The following KIAA1328 variants were observed in gnomAD, a reference collection of about 807,000 sequenced individuals.
KIAA1328 encodes the protein protein hinderin.
KIAA1328 carries 52 observed loss-of-function variants against 68.1 expected under a neutral mutation model. That is an observed-to-expected ratio of 0.76 (90% confidence interval 0.61 to 0.96). KIAA1328 has a LOEUF of 0.96. KIAA1328 is among the 40% of genes least tolerant of loss of function. The pLI is 0.00. For synonymous variants in KIAA1328, 232 were observed against 239.4 expected (o/e 0.97, Z 0.28); for missense variants, 641 against 677.6 (o/e 0.95, Z 0.60).
intron 5 of KIAA1328, among the ~76,000 whole-genome samples, chr18:36,916,807 T>C (rs2049720156): frequency 1.3e-5 from 2 of 152,058 alleles, no homozygotes; most frequent in South Asian, 4.2e-4. Flanking sequence ...AGAGACAGAG[T>C]CTCGCTATGT....
intron 6 of KIAA1328, among the ~76,000 whole-genome samples, chr18:37,029,478 A>T (rs1474539906): frequency 6.6e-6 from 1 of 152,074 alleles, no homozygotes; most frequent in Admixed American, 6.6e-5. Flanking sequence ...GGCTCGAGTT[A>T]TCCTCCCACC....
chr18:36,930,134 C>G (rs957737380), intron 5 of KIAA1328, among the ~76,000 whole-genome samples: 2 of 152,106 alleles, frequency 1.3e-5, no homozygotes, highest in Non-Finnish European at 2.9e-5. Flanking sequence ...TTGTTGCTCC[C>G]AGAAATGTCT....
At chr18:37,065,310 A>G (rs1438783063) in intron 6 of KIAA1328, among the ~76,000 whole-genome samples, 1 of 152,224 alleles carries the variant, frequency 6.6e-6, no homozygotes, top group Non-Finnish European at 1.5e-5. Flanking sequence ...AAGCTGTCAG[A>G]TATTTCACTT....
intron 6 of KIAA1328, among the ~76,000 whole-genome samples, chr18:37,054,237 T>A (rs1291695192): frequency 6.6e-6 from 1 of 152,178 alleles, no homozygotes; most frequent in African/African-American, 2.4e-5. Flanking sequence ...TCATCCCCTA[T>A]GGAAAACAGT....
At chr18:36,832,356 G>T (rs2046520544) in intron 1 of KIAA1328, among the ~76,000 whole-genome samples, 1 of 152,134 alleles carries the variant, frequency 6.6e-6, no homozygotes, top group Non-Finnish European at 1.5e-5. Context: ...GGAGGCCAAA[G>T]CAGGTGGATC....
At chr18:37,191,291 A>G (rs2059900504) in intron 9 of KIAA1328, among the ~76,000 whole-genome samples, 1 of 152,208 alleles carries the variant, frequency 6.6e-6, no homozygotes, top group Admixed American at 6.5e-5. Flanking sequence ...ACTTCATTAC[A>G]TACGTTACAT....
At chr18:36,960,592 TG>T (rs959340339) in intron 6 of KIAA1328, among the ~76,000 whole-genome samples, 13 of 152,154 alleles carry the variant, frequency 8.5e-5, no homozygotes, top group Admixed American at 5.2e-4. Context: ...GGTGCCCCTC[TG>T]GGACGAAGCT....
chr18:36,994,006 A>G (rs372058277), intron 6 of KIAA1328, among the ~76,000 whole-genome samples: 3 of 151,932 alleles, frequency 2.0e-5, no homozygotes, highest in African/African-American at 2.4e-5. Flanking sequence ...CTACAATTCT[A>G]TGATGAAAGA....
At chr18:37,226,837 A>G (rs2060642480), downstream of KIAA1328, among the ~76,000 whole-genome samples, 7 of 148,778 alleles carry the variant, frequency 4.7e-5, no homozygotes, top group South Asian at 2.1e-4. Flanking sequence ...GCGCAATCTC[A>G]GCTCACTGCA....
chr18:37,149,156 G>A (rs529784889), intron 7 of KIAA1328, among the ~76,000 whole-genome samples: 16 of 152,128 alleles, frequency 1.1e-4, no homozygotes, highest in African/African-American at 3.1e-4. Flanking sequence ...GAGGTATCAC[G>A]CTACTGTACT....
chr18:37,009,649 G>A (rs2053903854), intron 6 of KIAA1328, among the ~76,000 whole-genome samples: 1 of 152,104 alleles, frequency 6.6e-6, no homozygotes, highest in African/African-American at 2.4e-5. Flanking sequence ...AGAATTATCT[G>A]GTCCAAATAT....
rs939055998 is a variant in KIAA1328 at position 37,015,978 on chromosome 18, T to C, written c.577-50912T>C. Among the ~76,000 whole-genome samples, 5 of 152,138 alleles carry C rather than the reference T, an allele frequency of 3.3e-5. No individual in the cohort carries two copies. In the South Asian group the frequency reaches 1.0e-3, roughly 31 times the overall value. On this transcript the variant is annotated intron_variant, in intron 6 of 9. Coordinates refer to ENST00000280020, the MANE Select transcript of KIAA1328 (RefSeq NM_020776.3). ...GAGTTTGACTTCTTTTCCTATTTGATTGCCTTCTATTTCTTTCTCTTGCCT... is the reference window on the plus strand; with the variant it reads ...GAGTTTGACTTCTTTTCCTATTTGACTGCCTTCTATTTCTTTCTCTTGCCT...
chr18:37,147,236 AACAG>A (rs1277878914), intron 7 of KIAA1328, among the ~76,000 whole-genome samples: 1 of 152,196 alleles, frequency 6.6e-6, no homozygotes, highest in East Asian at 1.9e-4. Context: ...AGCAACACAA[AACAG>A]ACAAAGACAG....
chr18:36,850,581 A>AAT (rs1027753126), intron 4 of KIAA1328, among the ~76,000 whole-genome samples: 1 of 152,162 alleles, frequency 6.6e-6, no homozygotes, highest in Admixed American at 6.6e-5. Flanking sequence ...AACAATAACT[A>AAT]ATAATTAAAT....
At chr18:36,992,062 T>C (rs1272521088) in intron 6 of KIAA1328, among the ~76,000 whole-genome samples, 1 of 152,262 alleles carries the variant, frequency 6.6e-6, no homozygotes, top group Non-Finnish European at 1.5e-5. Flanking sequence ...CATTTTCCTT[T>C]CTGTGAAATG....
intron 7 of KIAA1328, among the ~76,000 whole-genome samples, chr18:37,137,368 C>A (rs1429780166): frequency 2.0e-5 from 3 of 151,932 alleles, no homozygotes; most frequent in East Asian, 3.9e-4. Flanking sequence ...AACAAAAAAA[C>A]CCTCATTTTT....
intron 5 of KIAA1328, among the ~76,000 whole-genome samples, chr18:36,915,570 A>G (rs1361991095): frequency 6.6e-6 from 1 of 152,196 alleles, no homozygotes; most frequent in Non-Finnish European, 1.5e-5. Flanking sequence ...ACATGAAAAC[A>G]TGTCCAACAT....
chr18:36,919,683 C>G (rs1176919632), intron 5 of KIAA1328, among the ~76,000 whole-genome samples: 11 of 152,194 alleles, frequency 7.2e-5, no homozygotes, highest in Admixed American at 7.2e-4. Context: ...AATTTACATT[C>G]CCACCAGCAG....
chr18:36,893,275 A>G (rs1215771104), intron 5 of KIAA1328, among the ~76,000 whole-genome samples: 1 of 150,790 alleles, frequency 6.6e-6, no homozygotes, highest in East Asian at 1.9e-4. Context: ...TTTCTTTCTT[A>G]TTTATTTATT....
Sources: gnomAD v4.1 joint callset for allele counts (sites outside exome capture counted in the v4.1 genomes callset) on GRCh38, gnomAD v4.1.1 for gene constraint, MANE v1.5 for transcripts, NCBI Gene and HGNC (gene_info 2026-07-23, HGNC 2026-07-21) for gene names.